The following MYO3B variants were observed in gnomAD, a reference collection of about 807,000 sequenced individuals.
MYO3B encodes myosin-IIIb.
A neutral mutation model predicts 174.6 loss-of-function variants in MYO3B; 156 were observed. That is an observed-to-expected ratio of 0.89 (90% CI 0.78 to 1.02). The LOEUF is 1.02. Ranked by LOEUF, MYO3B falls within the 50% of genes least tolerant of loss-of-function variation. The probability of loss-of-function intolerance (pLI) is 0.00; values close to 1 mark genes in which losing one functional copy is unlikely to be tolerated. For missense variants in MYO3B, 1,632 were observed against 1,639.4 expected, an observed-to-expected ratio of 1.00 and a Z score of 0.08; for synonymous variants, 563 against 569.1, an observed-to-expected ratio of 0.99 and a Z score of 0.15.
At chr2:170,588,151 G>A (rs1443367106) in intron 32 of MYO3B, among the ~76,000 whole-genome samples, 1 of 152,056 alleles carries the variant, frequency 6.6e-6, no homozygotes, top group East Asian at 1.9e-4. Context: ...ACACACACAA[G>A]ACAGGCTTGG....
At chr2:170,254,178 A>C (rs999603121) in intron 7 of MYO3B, among the ~76,000 whole-genome samples, 1 of 152,098 alleles carries the variant, frequency 6.6e-6, no homozygotes, top group African/African-American at 2.4e-5. Flanking sequence ...CCCGCCACAA[A>C]CTTCTGGGAT....
intron 32 of MYO3B, among the ~76,000 whole-genome samples, chr2:170,596,311 C>T (rs1694143258): frequency 6.6e-6 from 1 of 152,182 alleles, no homozygotes; most frequent in Non-Finnish European, 1.5e-5. Flanking sequence ...CTGAACTCCC[C>T]CAAAAGCTGT....
At chr2:170,277,057 G>A (rs1437592978) in intron 7 of MYO3B, among the ~76,000 whole-genome samples, 1 of 152,150 alleles carries the variant, frequency 6.6e-6, no homozygotes, top group Non-Finnish European at 1.5e-5. Flanking sequence ...ATGTCATGCT[G>A]ACAAGGTCAG....
chr2:170,577,973 T>C (rs1692888533), intron 32 of MYO3B, among the ~76,000 whole-genome samples: 2 of 152,230 alleles, frequency 1.3e-5, no homozygotes, highest in South Asian at 4.1e-4. Flanking sequence ...ATGTGTGTAC[T>C]GTATGTGTGT....
At chr2:170,195,557 G>A (rs1051200153) in intron 1 of MYO3B, among the ~76,000 whole-genome samples, 5 of 152,108 alleles carry the variant, frequency 3.3e-5, no homozygotes, top group Non-Finnish European at 5.9e-5. Flanking sequence ...TGTGTGACCT[G>A]ATTCTTCCTG....
intron 12 of MYO3B, 161 bp from the exon 13 acceptor site, chr2:170,386,028 T>C (rs1574893412): frequency 1.8e-6 from 1 of 567,314 alleles, no homozygotes; most frequent in Non-Finnish European, 3.2e-6. Context: ...CAAGTAGCTA[T>C]ACAAAAGGTT....
intron 8 of MYO3B, among the ~76,000 whole-genome samples, chr2:170,351,899 G>A (rs2094074180): frequency 6.6e-6 from 1 of 152,144 alleles, no homozygotes; most frequent in African/African-American, 2.4e-5. Context: ...GTTGGGGCAG[G>A]GACAGCATCC....
At position 170,370,336 on chromosome 2, in the gene MYO3B, T is replaced by G. The variant is rs554440508; in HGVS notation, c.971+959T>G. On this transcript the variant is annotated intron_variant, in intron 9 of 34. Transcript: ENST00000408978. Reference sequence around the variant, plus strand: ...AAAAGCCAAACATTGGCATCCAAACTCTTGGAGCTGGAGGCGTAGTATCAA... The same window carrying G: ...AAAAGCCAAACATTGGCATCCAAACGCTTGGAGCTGGAGGCGTAGTATCAA... Among the ~76,000 whole-genome samples, 8 of 152,316 alleles carry G rather than the reference T, an allele frequency of 5.3e-5. 1 individual carries two copies. In the South Asian group the frequency reaches 8.3e-4, roughly 16 times the overall value.
At chr2:170,396,112 T>C (rs1463030538) in intron 16 of MYO3B, among the ~76,000 whole-genome samples, 2 of 152,202 alleles carry the variant, frequency 1.3e-5, no homozygotes, top group Non-Finnish European at 2.9e-5. Context: ...CTTGGTCTTC[T>C]TGAGTAAAGC....
At chr2:170,422,690 A>G (rs2094626025) in intron 22 of MYO3B, among the ~76,000 whole-genome samples, 1 of 151,976 alleles carries the variant, frequency 6.6e-6, no homozygotes, top group Non-Finnish European at 1.5e-5. Flanking sequence ...AACTGACCTC[A>G]GGTGATCCAC....
chr2:170,602,652 CTCT>C (rs1694586326), intron 32 of MYO3B, among the ~76,000 whole-genome samples: 1 of 152,122 alleles, frequency 6.6e-6, no homozygotes, highest in African/African-American at 2.4e-5. Flanking sequence ...CTTTTTGATT[CTCT>C]TCTTTCCCTC....
intron 22 of MYO3B, among the ~76,000 whole-genome samples, chr2:170,423,164 G>A (rs1031463321): frequency 2.6e-5 from 4 of 151,758 alleles, no homozygotes; most frequent in African/African-American, 9.7e-5. Context: ...TGTATTTTTA[G>A]TAGAGATGGG....
chr2:170,287,903 A>C (rs1169629327), intron 7 of MYO3B, among the ~76,000 whole-genome samples: 1 of 152,092 alleles, frequency 6.6e-6, no homozygotes, highest in Non-Finnish European at 1.5e-5. Flanking sequence ...ACTTTTGTGT[A>C]TGGAGAGAGA....
Position 170,232,946 on chromosome 2 carries a change from A to G in MYO3B, c.604-3045A>G, listed in dbSNP as rs560078117. On this transcript the variant is annotated intron_variant, in intron 6 of 34. Coordinates refer to ENST00000408978, the MANE Select transcript of MYO3B (RefSeq NM_138995.5). ...TTCTATTCATCAGAATGAGCTGAAG[A>G]TAATGTTTGTCTGTAAAGAGAAGTT... Among the ~76,000 whole-genome samples, 179 of 152,360 alleles carry G rather than the reference A, an allele frequency of 1.2e-3. 1 individual carries two copies. Among genetic ancestry groups the G allele is most frequent in the African/African-American group, 3.9e-3 (161 of 41,588 alleles).
chr2:170,348,587 T>A (rs2094036652), intron 8 of MYO3B: 1 of 152,168 alleles, frequency 6.6e-6, no homozygotes, highest in African/African-American at 2.4e-5. Context: ...TGTACCTTTT[T>A]CACCTGGATA....
intron 8 of MYO3B, chr2:170,350,585 A>G (rs1321405020): frequency 6.6e-6 from 1 of 152,190 alleles, no homozygotes; most frequent in Non-Finnish European, 1.5e-5. Context: ...TGCAGAGATG[A>G]TGGGTAAAAA....
intron 7 of MYO3B, among the ~76,000 whole-genome samples, chr2:170,277,991 G>A (rs2093475911): frequency 6.6e-6 from 1 of 152,178 alleles, no homozygotes; most frequent in South Asian, 2.1e-4. Flanking sequence ...GGTTAAGATA[G>A]AGACATTTTC....
chr2:170,239,218 A>G (rs1472804383), intron 7 of MYO3B, among the ~76,000 whole-genome samples: 1 of 152,254 alleles, frequency 6.6e-6, no homozygotes, highest in East Asian at 1.9e-4. Flanking sequence ...TTAAAATTCC[A>G]AAGGCTTAAA....
At chr2:170,583,830 C>T (rs1693317618) in intron 32 of MYO3B, among the ~76,000 whole-genome samples, 2 of 152,144 alleles carry the variant, frequency 1.3e-5, no homozygotes, top group East Asian at 3.8e-4. Flanking sequence ...ATTGTGACTT[C>T]AGACTCAGTC....
Sources: gnomAD v4.1 joint callset for allele counts (sites outside exome capture counted in the v4.1 genomes callset) on GRCh38, gnomAD v4.1.1 for gene constraint, MANE v1.5 for transcripts, NCBI Gene and HGNC (gene_info 2026-07-23, HGNC 2026-07-21) for gene names.